Variants in PABPC4L observed in about 807,000 individuals in gnomAD.
PABPC4L encodes the protein polyadenylate-binding protein 4-like.
For missense variants in PABPC4L, 452 were observed against 451.4 expected, an observed-to-expected ratio of 1.00 and a Z score of -0.01; for synonymous variants, 169 against 164.1, an observed-to-expected ratio of 1.03 and a Z score of -0.23.
the PABPC4L span, among the ~76,000 whole-genome samples, chr4:134,051,951 T>C: frequency 1.3e-5 from 2 of 152,124 alleles, no homozygotes; most frequent in Admixed American, 6.6e-5. Flanking sequence ...GGTACTTGCT[T>C]TTCTTCTCTT....
chr4:134,168,948 C>G, the PABPC4L span, among the ~76,000 whole-genome samples: 4 of 152,122 alleles, frequency 2.6e-5, no homozygotes, highest in South Asian at 2.1e-4. Context: ...CATGCAAGAC[C>G]AGTATTGCCC....
chr4:134,173,907 CT>C, the PABPC4L span, among the ~76,000 whole-genome samples: 1 of 151,882 alleles, frequency 6.6e-6, no homozygotes, highest in African/African-American at 2.4e-5. Context: ...GGTACTGTAA[CT>C]TTTTTACTTT....
chr4:134,021,005 T>C, the PABPC4L span, among the ~76,000 whole-genome samples: 1 of 152,112 alleles, frequency 6.6e-6, no homozygotes, highest in Admixed American at 6.6e-5. Context: ...AGTGAAAAGC[T>C]TGTTCTTCTA....
At chr4:134,084,635 AG>A in the PABPC4L span, among the ~76,000 whole-genome samples, 1 of 152,172 alleles carries the variant, frequency 6.6e-6, no homozygotes, top group Non-Finnish European at 1.5e-5. Flanking sequence ...AAAGGAAGAA[AG>A]AAAAAGAAAT....
At chr4:133,966,729 T>C in the PABPC4L span, among the ~76,000 whole-genome samples, 2 of 152,146 alleles carry the variant, frequency 1.3e-5, no homozygotes, top group African/African-American at 4.8e-5. Flanking sequence ...ACATCGTATG[T>C]TCTCACTGAT....
the PABPC4L span, among the ~76,000 whole-genome samples, chr4:134,113,763 C>A: frequency 6.6e-6 from 1 of 151,798 alleles, no homozygotes; most frequent in African/African-American, 2.4e-5. Flanking sequence ...ACGTAAGTAG[C>A]ATTTAATCAG....
the PABPC4L span, among the ~76,000 whole-genome samples, chr4:134,047,022 A>G: frequency 2.6e-5 from 4 of 152,200 alleles, no homozygotes; most frequent in Non-Finnish European, 5.9e-5. Context: ...TTACATGACA[A>G]TCTGTGACAG....
At chr4:134,156,264 A>C in the PABPC4L span, among the ~76,000 whole-genome samples, 1 of 152,018 alleles carries the variant, frequency 6.6e-6, no homozygotes, top group African/African-American at 2.4e-5. Context: ...TATAAATTAT[A>C]GAATGAGACA....
the PABPC4L span, among the ~76,000 whole-genome samples, chr4:134,112,619 T>TA: frequency 6.8e-6 from 1 of 148,104 alleles, no homozygotes; most frequent in Non-Finnish European, 1.5e-5. Context: ...TCTATCTATA[T>TA]ATCTATCTAT....
the PABPC4L span, among the ~76,000 whole-genome samples, chr4:134,114,953 C>G: frequency 8.9e-4 from 135 of 151,890 alleles, no homozygotes; most frequent in East Asian, 0.023. Context: ...TTGCCTTATA[C>G]CAGAAATTGA....
In PABPC4L at chr4:134,198,431, GC is replaced by G. The variant is rs1729733780; in HGVS notation, c.*1475del. 6.6e-6 allele frequency: 1 copy of G among 151,076 alleles called. No individual in the cohort carries two copies. The highest frequency in any genetic ancestry group is 1.5e-5 in the Non-Finnish European group (1 of 67,526). The allele number at this position is 151,076 out of a possible 1,614,324, so 9.4% of individuals were successfully genotyped here. A position where few individuals can be genotyped will look rare whatever the true frequency, so the allele number is the denominator to read the frequency against. On this transcript the variant is annotated 3_prime_UTR_variant, in exon 2 of 2. Transcript: ENST00000421491. The stretch of plus-strand genomic sequence containing the variant: ...CATATAATTTCTATAAAAATAAAAG[GC>G]AACAAATTTTTCTCATTCATAAGCT...
At chr4:134,061,602 C>T in the PABPC4L span, among the ~76,000 whole-genome samples, 1 of 140,240 alleles carries the variant, frequency 7.1e-6, no homozygotes, top group Non-Finnish European at 1.5e-5. Flanking sequence ...TACACATACA[C>T]ACAAACACAA....
At chr4:134,191,133 T>C in the PABPC4L span, among the ~76,000 whole-genome samples, 3 of 152,202 alleles carry the variant, frequency 2.0e-5, no homozygotes, top group South Asian at 6.2e-4. Context: ...TATGGCTTAT[T>C]ATTGGGTATA....
chr4:134,037,000 G>A, the PABPC4L span, among the ~76,000 whole-genome samples: 67 of 151,338 alleles, frequency 4.4e-4, no homozygotes, highest in Middle Eastern at 3.4e-3. Context: ...AGGTTTTAGT[G>A]AGCTGAGATC....
the PABPC4L span, among the ~76,000 whole-genome samples, chr4:133,951,006 A>G: frequency 1.3e-5 from 2 of 152,168 alleles, no homozygotes; most frequent in African/African-American, 2.4e-5. Context: ...AGCTTTAGGG[A>G]CTGGTTAAGA....
At chr4:134,103,924 T>A in the PABPC4L span, among the ~76,000 whole-genome samples, 1 of 151,790 alleles carries the variant, frequency 6.6e-6, no homozygotes, top group African/African-American at 2.4e-5. Flanking sequence ...TTTTAATCAA[T>A]TTTTTCCACA....
the PABPC4L span, among the ~76,000 whole-genome samples, chr4:134,062,626 C>A: frequency 1.2e-4 from 19 of 152,070 alleles, no homozygotes; most frequent in Non-Finnish European, 2.4e-4. Flanking sequence ...TAGATTTCCA[C>A]AAAATTAATT....
At chr4:134,061,217 C>G in the PABPC4L span, among the ~76,000 whole-genome samples, 1 of 151,376 alleles carries the variant, frequency 6.6e-6, no homozygotes, top group South Asian at 2.1e-4. Context: ...GCTAGGTACC[C>G]ACAAAAATTA....
the PABPC4L span, among the ~76,000 whole-genome samples, chr4:134,109,649 A>G: frequency 6.6e-6 from 1 of 152,046 alleles, no homozygotes; most frequent in African/African-American, 2.4e-5. Context: ...TAAAAAAATT[A>G]GGTTTCTTTT....
Sources: gnomAD v4.1 joint callset for allele counts (sites outside exome capture counted in the v4.1 genomes callset) on GRCh38, gnomAD v4.1.1 for gene constraint, MANE v1.5 for transcripts, NCBI Gene and HGNC (gene_info 2026-07-23, HGNC 2026-07-21) for gene names.